MCC: variants seen among roughly 807,000 people sequenced by gnomAD.
MCC encodes colorectal mutant cancer protein.
In MCC, 90 loss-of-function variants were observed where a neutral mutation model predicts 116.2. The observed-to-expected ratio is 0.77, with a 90% CI of 0.65 to 0.92. The LOEUF (loss-of-function observed/expected upper bound fraction) is 0.92, where lower values mean the gene tolerates loss of function less well. MCC is among the 40% of genes least tolerant of loss of function. The probability of loss-of-function intolerance (pLI) is 0.00; values close to 1 mark genes in which losing one functional copy is unlikely to be tolerated. For missense variants in MCC, 1,516 were observed against 1,312.2 expected (o/e 1.16, Z -2.40); for synonymous variants, 578 against 510.5 (o/e 1.13, Z -1.78).
At chr5:113,474,202 T>C (rs1229663913) in intron 1 of MCC, among the ~76,000 whole-genome samples, 14 of 152,198 alleles carry the variant, frequency 9.2e-5, no homozygotes, top group Admixed American at 8.5e-4. Context: ...AAAGAAAGCA[T>C]GGTCTCTGCC....
chr5:113,070,981 G>T, intron 12 of MCC, 113 bp downstream of exon 12: 1 of 1,257,368 alleles, frequency 8.0e-7, no homozygotes, highest in Non-Finnish European at 1.1e-6. Context: ...ATATGCCTTG[G>T]TCCAAACTGC....
chr5:113,457,124 A>G (rs904247576), intron 1 of MCC, among the ~76,000 whole-genome samples: 1 of 152,164 alleles, frequency 6.6e-6, no homozygotes, highest in Admixed American at 6.5e-5. Context: ...CCACTCCCTC[A>G]GCTTGCAGGG....
intron 14 of MCC, 128 bp downstream of exon 14, chr5:113,063,856 T>C (rs750673441): frequency 4.1e-6 from 4 of 985,714 alleles, no homozygotes; most frequent in East Asian, 2.6e-5. Context: ...GCAGGCTGCA[T>C]GCCAGAAGCC....
intron 8 of MCC, among the ~76,000 whole-genome samples, chr5:113,099,107 A>T (rs1276121061): frequency 8.4e-6 from 1 of 119,236 alleles, no homozygotes; most frequent in Non-Finnish European, 1.8e-5. Flanking sequence ...AAATGCATCT[A>T]GTACACTTTT....
chr5:113,092,175 G>A (rs541392171), intron 8 of MCC, among the ~76,000 whole-genome samples: 48 of 152,000 alleles, frequency 3.2e-4, no homozygotes, highest in Non-Finnish European at 6.8e-4. Flanking sequence ...AGCCTTGTAC[G>A]GCAAAAGGGA....
intron 3 of MCC, among the ~76,000 whole-genome samples, chr5:113,279,094 A>T (rs1482255489): frequency 1.3e-5 from 2 of 152,214 alleles, no homozygotes; most frequent in Non-Finnish European, 2.9e-5. Flanking sequence ...TGAAAAGGTT[A>T]ACTTCTTTTC....
chr5:113,427,605 A>T (rs1183730018), intron 1 of MCC, among the ~76,000 whole-genome samples: 2 of 152,214 alleles, frequency 1.3e-5, no homozygotes, highest in Non-Finnish European at 2.9e-5. Flanking sequence ...GAAGATTATT[A>T]TGGAGTCACT....
At chr5:113,459,191 G>C (rs954692001) in intron 1 of MCC, among the ~76,000 whole-genome samples, 1 of 145,614 alleles carries the variant, frequency 6.9e-6, no homozygotes, top group Non-Finnish European at 1.5e-5. Context: ...AGTGGGTGGG[G>C]GGGGGAGAGA....
intron 3 of MCC, chr5:113,203,353 C>G (rs995898798): frequency 6.6e-6 from 1 of 152,276 alleles, no homozygotes; most frequent in African/African-American, 2.4e-5. Flanking sequence ...TTAATGAACT[C>G]AGTGACTCAG....
chr5:113,477,466 T>C (rs1772262953), intron 1 of MCC, among the ~76,000 whole-genome samples: 1 of 152,138 alleles, frequency 6.6e-6, no homozygotes, highest in Non-Finnish European at 1.5e-5. Flanking sequence ...TCAGACATCA[T>C]ATAACAGCAT....
chr5:113,355,516 C>T (rs947493555), intron 2 of MCC, among the ~76,000 whole-genome samples: 1 of 152,064 alleles, frequency 6.6e-6, no homozygotes, highest in African/African-American at 2.4e-5. Context: ...GCTGTCATAA[C>T]AAAATACCAA....
chr5:113,074,866 C>T (rs1435325264), intron 11 of MCC, among the ~76,000 whole-genome samples: 4 of 152,216 alleles, frequency 2.6e-5, no homozygotes, highest in African/African-American at 9.6e-5. Flanking sequence ...TGAACAAAGC[C>T]TCCAAGAAAT....
chr5:113,385,780 C>T (rs2150393745), intron 1 of MCC, among the ~76,000 whole-genome samples: 1 of 152,102 alleles, frequency 6.6e-6, no homozygotes, highest in African/African-American at 2.4e-5. Context: ...GAGTATTTTC[C>T]ACCTTCCCAC....
intron 3 of MCC, among the ~76,000 whole-genome samples, chr5:113,184,944 C>T (rs1761822199): frequency 6.6e-6 from 1 of 152,198 alleles, no homozygotes; most frequent in Non-Finnish European, 1.5e-5. Context: ...CTGAGAGTAA[C>T]TTTGTATTTG....
intron 1 of MCC, among the ~76,000 whole-genome samples, chr5:113,410,113 G>A (rs985661463): frequency 1.8e-4 from 28 of 152,018 alleles, no homozygotes; most frequent in African/African-American, 6.3e-4. Context: ...TTCCCCCAAC[G>A]GGATCTTGCT....
intron 1 of MCC, chr5:113,435,291 G>A (rs1490274798): frequency 6.0e-6 from 1 of 166,726 alleles, no homozygotes; most frequent in Non-Finnish European, 1.3e-5. Flanking sequence ...TTTAATAAAG[G>A]GACAATTAAT....
intron 6 of MCC, among the ~76,000 whole-genome samples, chr5:113,110,528 A>AT (rs1581083046): frequency 6.6e-6 from 1 of 152,374 alleles, no homozygotes; most frequent in Middle Eastern, 3.4e-3. Context: ...AGTTTCACAC[A>AT]TATGTGGATT....
At chr5:113,036,051 T>G (rs1410935536) in intron 17 of MCC, among the ~76,000 whole-genome samples, 2 of 64,164 alleles carry the variant, frequency 3.1e-5, no homozygotes, top group African/African-American at 1.2e-4. Flanking sequence ...TTTTTTTTTT[T>G]TTGAGATGGA....
chr5:113,110,160 G>A (rs1002307622), intron 6 of MCC, among the ~76,000 whole-genome samples: 1 of 152,154 alleles, frequency 6.6e-6, no homozygotes, highest in East Asian at 1.9e-4. Context: ...AGGAGACAGA[G>A]AGGAGGCCTT....
Sources: allele counts gnomAD v4.1 joint callset (sites outside exome capture counted in the v4.1 genomes callset), GRCh38; gene constraint gnomAD v4.1.1; transcripts MANE v1.5; gene names NCBI Gene and HGNC (gene_info 2026-07-23, HGNC 2026-07-21).